Variants in TENM3 observed in about 807,000 individuals in gnomAD.
TENM3 encodes teneurin-3.
In TENM3, 63 loss-of-function variants were observed where a neutral mutation model predicts 255.1. The observed-to-expected ratio is 0.25, with a 90% CI of 0.20 to 0.30. TENM3 has a LOEUF of 0.30. Among genes scored for constraint, TENM3 ranks in the 10% least tolerant of loss-of-function variants. The probability of loss-of-function intolerance (pLI) is 1.00; values close to 1 mark genes in which losing one functional copy is unlikely to be tolerated. For missense variants in TENM3, 2,929 were observed against 3,461.1 expected (o/e 0.85, Z 3.86); for synonymous variants, 1,306 against 1,322.3 (o/e 0.99, Z 0.27).
chr4:182,440,996 C>T (rs888395297), intron 3 of TENM3, among the ~76,000 whole-genome samples: 2 of 151,960 alleles, frequency 1.3e-5, no homozygotes, highest in Non-Finnish European at 2.9e-5. Flanking sequence ...AATAGAATTG[C>T]CCTCAGTAAA....
chr4:181,608,684 C>A, the TENM3 span, among the ~76,000 whole-genome samples: 1 of 152,102 alleles, frequency 6.6e-6, no homozygotes. Flanking sequence ...GTCTGACTTC[C>A]CTTTGGTGTG....
chr4:182,252,952 G>T (rs1009598674), intron 1 of TENM3, among the ~76,000 whole-genome samples: 57 of 152,260 alleles, frequency 3.7e-4, no homozygotes, highest in Non-Finnish European at 1.0e-4. Flanking sequence ...CAAGGATCTG[G>T]ACCCAGGCCT....
At chr4:181,735,179 T>G in the TENM3 span, among the ~76,000 whole-genome samples, 1 of 152,144 alleles carries the variant, frequency 6.6e-6, no homozygotes, top group Non-Finnish European at 1.5e-5. Flanking sequence ...TGCCATTTTT[T>G]TATTATAAGC....
the TENM3 span, among the ~76,000 whole-genome samples, chr4:182,097,691 C>A: frequency 6.6e-6 from 1 of 152,076 alleles, no homozygotes; most frequent in African/African-American, 2.4e-5. Context: ...CGGAAAAGGC[C>A]CAAGGAGTAT....
intron 18 of TENM3, among the ~76,000 whole-genome samples, chr4:182,742,629 T>C (rs1442412501): frequency 1.3e-5 from 2 of 152,216 alleles, no homozygotes; most frequent in Non-Finnish European, 2.9e-5. Context: ...CTGGTTCACA[T>C]TTTTATTGAC....
In TENM3 at chr4:182,352,855, C is replaced by T. The variant is rs76074526; in HGVS notation, c.511+5926C>T. Among the ~76,000 whole-genome samples the T allele has an allele frequency of 2.9e-4, 44 of 152,178 alleles. 1 individual carries two copies. The East Asian group carries it at 8.3e-3, about 29-fold the overall frequency. On this transcript the variant is annotated intron_variant, in intron 3 of 27. Coordinates refer to ENST00000511685, the MANE Select transcript of TENM3 (RefSeq NM_001080477.4). ...TCAATCTCTAAAGAGAGAACTTCAG[C>T]TATTTTGCAATCCAGATTTTCTTGT...
chr4:181,576,921 C>A, the TENM3 span, among the ~76,000 whole-genome samples: 1 of 136,760 alleles, frequency 7.3e-6, no homozygotes, highest in Non-Finnish European at 1.5e-5. Context: ...TCAAGCGATT[C>A]TCCTGCCTCA....
intron 3 of TENM3, among the ~76,000 whole-genome samples, chr4:182,562,140 G>C (rs1024847981): frequency 6.6e-6 from 1 of 152,144 alleles, no homozygotes; most frequent in Non-Finnish European, 1.5e-5. Flanking sequence ...ATGTATGTGA[G>C]AGTAAGATTG....
chr4:181,890,486 C>T, the TENM3 span, among the ~76,000 whole-genome samples: 5 of 151,290 alleles, frequency 3.3e-5, no homozygotes, highest in African/African-American at 1.2e-4. Context: ...AAATAGATCC[C>T]TTACTATCTT....
the TENM3 span, among the ~76,000 whole-genome samples, chr4:182,051,227 C>A: frequency 6.6e-6 from 1 of 151,710 alleles, no homozygotes; most frequent in African/African-American, 2.4e-5. Flanking sequence ...CCTGTAATCC[C>A]AGCTACTCGG....
intron 3 of TENM3, among the ~76,000 whole-genome samples, chr4:182,507,507 A>AT (rs147029149): frequency 0.073 from 11,170 of 152,028 alleles, 467 homozygotes; most frequent in East Asian, 0.11. Flanking sequence ...TTCCGTCAGA[A>AT]TTTTTTTTAT....
the TENM3 span, among the ~76,000 whole-genome samples, chr4:182,037,549 G>T: frequency 6.6e-6 from 1 of 152,208 alleles, no homozygotes; most frequent in Non-Finnish European, 1.5e-5. Context: ...TAGTTGTTCA[G>T]TATCAGCAGA....
chr4:181,879,951 T>C, the TENM3 span, among the ~76,000 whole-genome samples: 1 of 152,214 alleles, frequency 6.6e-6, no homozygotes, highest in African/African-American at 2.4e-5. Flanking sequence ...CTTTTTAGTG[T>C]GTCTAAGTTA....
chr4:182,630,774 T>TA (rs34519133), intron 5 of TENM3, among the ~76,000 whole-genome samples: 20,195 of 149,942 alleles, frequency 0.13, 2,194 homozygotes, highest in East Asian at 0.47. Context: ...TTATTATTAT[T>TA]TTTTTTTTAC....
At chr4:182,721,431 C>T (rs1759724769) in intron 13 of TENM3, among the ~76,000 whole-genome samples, 1 of 152,136 alleles carries the variant, frequency 6.6e-6, no homozygotes, top group Non-Finnish European at 1.5e-5. Context: ...TTCTTTACAA[C>T]AGAAACCTGG....
intron 1 of TENM3, among the ~76,000 whole-genome samples, chr4:182,263,330 T>A (rs1197772266): frequency 1.3e-5 from 2 of 152,090 alleles, no homozygotes; most frequent in Non-Finnish European, 2.9e-5. Flanking sequence ...GAGCTCCCCA[T>A]GTCCCTTGAT....
At chr4:182,673,279 TTC>T in intron 7 of TENM3, 60 bp downstream of exon 7, 2 of 1,204,620 alleles carry the variant, frequency 1.7e-6, no homozygotes, top group Non-Finnish European at 1.2e-6. Context: ...TTTGAAATTA[TTC>T]TCTTTCTTAA....
the TENM3 span, among the ~76,000 whole-genome samples, chr4:182,013,030 G>A: frequency 4.0e-5 from 6 of 151,664 alleles, no homozygotes; most frequent in East Asian, 1.9e-4. Flanking sequence ...AAACAAAAAC[G>A]AAAAACCCCT....
intron 1 of TENM3, among the ~76,000 whole-genome samples, chr4:182,207,922 A>G (rs1754697186): frequency 6.6e-6 from 1 of 152,204 alleles, no homozygotes; most frequent in African/African-American, 2.4e-5. Flanking sequence ...GTTATCTCAA[A>G]TGGTCATCTG....
Sources: gnomAD v4.1 joint callset for allele counts (sites outside exome capture counted in the v4.1 genomes callset) on GRCh38, gnomAD v4.1.1 for gene constraint, MANE v1.5 for transcripts, NCBI Gene and HGNC (gene_info 2026-07-23, HGNC 2026-07-21) for gene names.